The following ADD1 variants were observed in gnomAD, a reference collection of about 807,000 sequenced individuals.
ADD1 encodes adducin 1, also known as alpha-adducin.
In ADD1, 24 loss-of-function variants were observed where a neutral mutation model predicts 80.5. The ratio of observed to expected loss-of-function variants is 0.30; its 90% CI spans 0.22 to 0.42. ADD1 has a LOEUF of 0.42. Among genes scored for constraint, ADD1 ranks in the 10% least tolerant of loss-of-function variants. The pLI, the probability that ADD1 is intolerant of heterozygous loss-of-function variation, is 1.00. For synonymous variants in ADD1, 373 were observed against 393.8 expected (o/e 0.95, Z 0.63); for missense variants, 948 against 1,019.0 (o/e 0.93, Z 0.95).
intron 1 of ADD1, among the ~76,000 whole-genome samples, chr4:2,854,234 G>A (rs1264941597): frequency 6.6e-6 from 1 of 152,172 alleles, no homozygotes; most frequent in Non-Finnish European, 1.5e-5. Flanking sequence ...TGAGGCAGGA[G>A]CATTGCTTGA....
intron 4 of ADD1, among the ~76,000 whole-genome samples, chr4:2,890,469 C>T (rs1046206124): frequency 4.6e-5 from 7 of 152,158 alleles, no homozygotes; most frequent in Non-Finnish European, 8.8e-5. Flanking sequence ...GTCAGTGGCA[C>T]GATCTCTGCT....
intron 14 of ADD1, among the ~76,000 whole-genome samples, chr4:2,920,032 C>T (rs554896925): frequency 6.6e-5 from 10 of 152,210 alleles, no homozygotes; most frequent in East Asian, 1.9e-4. Context: ...GATTCTGGTA[C>T]GCTTTGTCTT....
chr4:2,881,339 A>G (rs1241080308), intron 2 of ADD1, among the ~76,000 whole-genome samples: 2 of 152,118 alleles, frequency 1.3e-5, no homozygotes, highest in Non-Finnish European at 2.9e-5. Flanking sequence ...TTCGCCTCCT[A>G]AAGTGCTGGG....
In ADD1 at chr4:2,926,522, AT is replaced by A; in HGVS notation, c.2047+411del. The A allele has an allele frequency of 2.8e-6, 3 of 1,070,892 alleles. No individual in the cohort carries two copies. The highest frequency in any genetic ancestry group is 4.2e-6 in the Non-Finnish European group (3 of 713,234). 66.3% of individuals were successfully genotyped at this position (1,070,892 alleles called of 1,614,324 possible). On this transcript the variant is annotated intron_variant, in intron 15 of 15. Transcript: ENST00000683351. This position sits in a 1 kb window ranked among gnomAD's most constrained non-coding sequence, Gnocchi z 5.0. ...GGGTGTCTGTCCCTCGGTCTCGTAC[AT>A]CCATGTCTCTCGTGAAGCCCGTGGC...
At chr4:2,903,944 T>C (rs1736614424) in intron 9 of ADD1, among the ~76,000 whole-genome samples, 2 of 152,208 alleles carry the variant, frequency 1.3e-5, no homozygotes, top group Admixed American at 6.5e-5. Context: ...AATTTGAATG[T>C]TGTTGTATTC....
At chr4:2,874,093 A>G (rs1032324124) in intron 1 of ADD1, among the ~76,000 whole-genome samples, 1 of 152,066 alleles carries the variant, frequency 6.6e-6, no homozygotes, top group African/African-American at 2.4e-5. Flanking sequence ...GTGGGCCTGT[A>G]GTCTCAGCTA....
At chr4:2,879,373 G>A (rs1042974057) in intron 2 of ADD1, among the ~76,000 whole-genome samples, 1 of 152,134 alleles carries the variant, frequency 6.6e-6, no homozygotes, top group African/African-American at 2.4e-5. Context: ...TAAGTTTCTG[G>A]ATGGCAAGGA....
In ADD1 at chr4:2,899,375, T is replaced by G; in HGVS notation, c.1101T>G (p.Pro367=). Residue 367 remains proline, a synonymous_variant, in exon 9 of 16, where the codon CCT becomes CCG. Transcript: ENST00000683351. ...GSPVGEGTGS[P]PKWQIGEQEF... Reference sequence around the variant, plus strand: ...CGGTAGGGGAAGGCACTGGATCGCCTCCCAAGTGGCAGATTGGTGAGCAGG... The same window carrying G: ...CGGTAGGGGAAGGCACTGGATCGCCGCCCAAGTGGCAGATTGGTGAGCAGG... The G allele has an allele frequency of 6.2e-7, 1 of 1,614,166 alleles. No individual in the cohort carries two copies. The highest frequency in any genetic ancestry group is 8.5e-7 in the Non-Finnish European group (1 of 1,180,026).
intron 1 of ADD1, among the ~76,000 whole-genome samples, chr4:2,875,436 G>C (rs1731121547): frequency 6.6e-6 from 1 of 152,084 alleles, no homozygotes; most frequent in African/African-American, 2.4e-5. Context: ...CTCTTCTGTT[G>C]ATCTGTTTGT....
chr4:2,929,362 G>T lies in ADD1; in HGVS notation c.*839G>T, dbSNP rs1428446212. ...ACAGTAGAGCACTTTTCACTTATTT[G>T]GGGGAGGCTTCAGGGGACTGTTCTC... On this transcript the variant is annotated 3_prime_UTR_variant, in exon 16 of 16. Coordinates refer to ENST00000683351, the MANE Select transcript of ADD1 (RefSeq NM_001354761.2). 1 of 152,236 alleles carries T rather than the reference G, an allele frequency of 6.6e-6. No individual in the cohort carries two copies. The highest frequency in any genetic ancestry group is 2.1e-4 in the South Asian group (1 of 4,836). The allele number at this position is 152,236 out of a possible 1,614,324, so 9.4% of individuals were successfully genotyped here.
intron 14 of ADD1, among the ~76,000 whole-genome samples, chr4:2,920,142 C>T (rs531423286): frequency 9.9e-5 from 15 of 152,250 alleles, no homozygotes; most frequent in African/African-American, 2.2e-4. Context: ...CATGTAGTTA[C>T]GCAGTTTTGA....
chr4:2,894,186 A>T (rs1734773088), intron 5 of ADD1, 93 bp downstream of exon 5: 1 of 1,018,690 alleles, frequency 9.8e-7, no homozygotes, highest in East Asian at 2.4e-5. Flanking sequence ...AAACCCAAGA[A>T]ACAAGAAAGA....
intron 14 of ADD1, among the ~76,000 whole-genome samples, chr4:2,920,277 T>G (rs1257320142): frequency 6.6e-6 from 1 of 152,198 alleles, no homozygotes; most frequent in Non-Finnish European, 1.5e-5. Context: ...TTAGAATAAG[T>G]GCGATGTGGT....
chr4:2,920,927 G>A (rs879335992), intron 14 of ADD1, among the ~76,000 whole-genome samples: 1 of 152,142 alleles, frequency 6.6e-6, no homozygotes, highest in African/African-American at 2.4e-5. Flanking sequence ...TTTCTTCATA[G>A]TGTCGATGGT....
chr4:2,865,351 T>G (rs1729390509), intron 1 of ADD1, among the ~76,000 whole-genome samples: 2 of 152,232 alleles, frequency 1.3e-5, no homozygotes, highest in South Asian at 4.1e-4. Context: ...TTGTGATTTT[T>G]AAATGCTTCC....
intron 13 of ADD1, among the ~76,000 whole-genome samples, chr4:2,913,045 G>A (rs986280456): frequency 5.3e-5 from 8 of 151,752 alleles, no homozygotes; most frequent in African/African-American, 1.2e-4. Context: ...ACAGGTTTTC[G>A]CTGTGTTGGC....
rs1438134361 is a variant in ADD1, at chr4:2,898,433, G to A, written c.886G>A (p.Val296Ile). 1.2e-6 allele frequency: 2 copies of A among 1,614,194 alleles called. No individual in the cohort carries two copies. The highest frequency in any genetic ancestry group is 2.2e-5 in the East Asian group (1 of 44,892). The change falls in exon 8 of 16, where the codon GTT becomes ATT. Residue 296 changes from valine to isoleucine, a missense_variant and splice_region_variant. Coordinates refer to ENST00000683351, the MANE Select transcript of ADD1 (RefSeq NM_001354761.2). ...IQKNLGPKSK[V>I]LILRNHGLVS... ...ACAGAGCATTCATGCTTCCCCTCAG[G>A]TTCTTATTCTCCGGAACCATGGGCT...
intron 1 of ADD1, among the ~76,000 whole-genome samples, chr4:2,864,462 T>C (rs1729254568): frequency 6.6e-6 from 1 of 152,170 alleles, no homozygotes; most frequent in Non-Finnish European, 1.5e-5. Context: ...TATTGTAAAA[T>C]ATAAAACTTT....
chr4:2,899,511 C>T (rs781730890), intron 9 of ADD1, 76 bp downstream of exon 9: 42 of 1,519,678 alleles, frequency 2.8e-5, no homozygotes, highest in South Asian at 1.7e-4. Flanking sequence ...ACAGCAAGTG[C>T]GATTGCTGTC....
Sources: gnomAD v4.1 joint callset for allele counts (sites outside exome capture counted in the v4.1 genomes callset) on GRCh38, gnomAD v4.1.1 for gene constraint, Gnocchi (gnomAD v3.1) non-coding constraint, MANE v1.5 for transcripts, NCBI Gene and HGNC (gene_info 2026-07-23, HGNC 2026-07-21) for gene names.